NBAS: variants seen among roughly 807,000 people sequenced by gnomAD.
NBAS encodes the protein NBAS subunit of NRZ tethering complex.
Under a neutral mutation model 302.5 loss-of-function variants are expected in NBAS, and 219 were observed. The observed-to-expected ratio is 0.72, with a 90% confidence interval of 0.65 to 0.81. NBAS has a LOEUF of 0.81. NBAS is among the 30% of genes least tolerant of loss of function. The probability of loss-of-function intolerance (pLI) is 0.00; values close to 1 mark genes in which losing one functional copy is unlikely to be tolerated. For missense variants in NBAS, 2,932 were observed against 2,841.6 expected (o/e 1.03, Z -0.72); for synonymous variants, 1,118 against 1,021.6 (o/e 1.09, Z -1.80).
chr2:15,218,669 C>T (rs1666766194), intron 48 of NBAS, 104 bp downstream of exon 48: 1 of 1,465,528 alleles, frequency 6.8e-7, no homozygotes, highest in African/African-American at 1.4e-5. Flanking sequence ...CTCAGGTGAT[C>T]CTCCCACCTT....
chr2:15,001,818 C>T, the NBAS span, among the ~76,000 whole-genome samples: 2 of 152,056 alleles, frequency 1.3e-5, no homozygotes, highest in Non-Finnish European at 2.9e-5. Context: ...CAGACCTTCG[C>T]GGTGAGTGTT....
At chr2:15,107,757 T>C in the NBAS span, among the ~76,000 whole-genome samples, 1 of 152,122 alleles carries the variant, frequency 6.6e-6, no homozygotes, top group Admixed American at 6.6e-5. Context: ...CCAACGTGTA[T>C]TCTCATATAA....
intron 32 of NBAS, among the ~76,000 whole-genome samples, chr2:15,364,464 C>T (rs1366728989): frequency 2.0e-5 from 3 of 151,986 alleles, no homozygotes; most frequent in Non-Finnish European, 4.4e-5. Flanking sequence ...CTGGGAGGCA[C>T]AGGTTGTAGT....
intron 31 of NBAS, among the ~76,000 whole-genome samples, chr2:15,370,933 G>A (rs1424343448): frequency 1.3e-5 from 2 of 152,158 alleles, no homozygotes; most frequent in African/African-American, 2.4e-5. Flanking sequence ...GGGAAGGCAC[G>A]ATTGGTTTTG....
chr2:15,144,043 A>T, the NBAS span, among the ~76,000 whole-genome samples: 1 of 116,520 alleles, frequency 8.6e-6, no homozygotes, highest in Non-Finnish European at 1.6e-5. Flanking sequence ...TATCCTATAT[A>T]TAAAAATATA....
chr2:15,547,594 G>A (rs1179257699), intron 6 of NBAS, among the ~76,000 whole-genome samples: 8 of 152,070 alleles, frequency 5.3e-5, no homozygotes, highest in African/African-American at 1.4e-4. Context: ...TAGATTTCTC[G>A]ATTTACCTAC....
At chr2:15,427,849 C>T in intron 21 of NBAS, 55 bp from the exon 22 acceptor site, 1 of 1,347,266 alleles carries the variant, frequency 7.4e-7, no homozygotes, top group Non-Finnish European at 1.0e-6. Flanking sequence ...AATGACTTAG[C>T]CACACAAGGA....
chr2:15,325,932 G>A (rs950760731), intron 38 of NBAS, among the ~76,000 whole-genome samples: 2 of 152,126 alleles, frequency 1.3e-5, no homozygotes, highest in Admixed American at 6.5e-5. Context: ...CCATTATAGG[G>A]TTATTAACTT....
At chr2:14,938,245 T>C in the NBAS span, among the ~76,000 whole-genome samples, 2 of 152,184 alleles carry the variant, frequency 1.3e-5, no homozygotes, top group African/African-American at 4.8e-5. Context: ...ATATAAAGAT[T>C]ACTAATAAAT....
At chr2:15,511,189 G>T in intron 10 of NBAS, 23 bp downstream of exon 10, 1 of 1,613,708 alleles carries the variant, frequency 6.2e-7, no homozygotes, top group East Asian at 2.2e-5. Context: ...ATAGCAAAGT[G>T]AAGTGCCATA....
chr2:15,167,129 A>C lies in NBAS; in HGVS notation c.7035T>G (p.Ser2345=), dbSNP rs1479190797. The stretch of plus-strand genomic sequence containing the variant: ...GAGTCCCCCTCACGGCCAGAAGGAG[A>C]GACCCGGCTTCGGCTTCATGGCCGG... ...REAGHEAEAG[S]LLLAVRGTHQ... Residue 2345 remains serine, a synonymous_variant, in exon 52 of 52, where the codon TCT becomes TCG. Coordinates refer to ENST00000281513, the MANE Select transcript of NBAS (RefSeq NM_015909.4). 1 of 1,614,038 alleles carries C rather than the reference A, an allele frequency of 6.2e-7. No homozygotes were observed. Among genetic ancestry groups the C allele is most frequent in the African/African-American group, 1.3e-5 (1 of 74,940 alleles).
intron 11 of NBAS, among the ~76,000 whole-genome samples, chr2:15,497,584 GT>G (rs925641768): frequency 2.3e-4 from 35 of 152,264 alleles, no homozygotes; most frequent in African/African-American, 7.7e-4. Flanking sequence ...TCAGAGTTTT[GT>G]TTTGGAAATG....
intron 44 of NBAS, among the ~76,000 whole-genome samples, chr2:15,263,246 T>A (rs778978973): frequency 6.6e-6 from 1 of 152,152 alleles, no homozygotes; most frequent in Non-Finnish European, 1.5e-5. Context: ...GCTCAAGAGA[T>A]CCTCCCACCT....
At chr2:15,242,227 AT>A (rs1229604563) in intron 44 of NBAS, among the ~76,000 whole-genome samples, 1 of 152,224 alleles carries the variant, frequency 6.6e-6, no homozygotes, top group East Asian at 1.9e-4. Flanking sequence ...AAGAGTTTAA[AT>A]TGTTTGACTT....
At chr2:14,799,724 T>G in the NBAS span, among the ~76,000 whole-genome samples, 7 of 152,174 alleles carry the variant, frequency 4.6e-5, no homozygotes, top group Non-Finnish European at 8.8e-5. Flanking sequence ...AAGTGTTTGC[T>G]TTATGTATTT....
chr2:14,936,798 T>A, the NBAS span, among the ~76,000 whole-genome samples: 1 of 152,078 alleles, frequency 6.6e-6, no homozygotes, highest in Non-Finnish European at 1.5e-5. Context: ...AGTAGGCTGA[T>A]CTTTGATGAG....
intron 45 of NBAS, among the ~76,000 whole-genome samples, chr2:15,237,540 G>A (rs1351354818): frequency 6.6e-6 from 1 of 151,210 alleles, no homozygotes. Flanking sequence ...CTGAAAATTA[G>A]GAGGGAAAAG....
chr2:15,464,211 T>C (rs1679629709), intron 19 of NBAS, among the ~76,000 whole-genome samples: 1 of 152,220 alleles, frequency 6.6e-6, no homozygotes, highest in African/African-American at 2.4e-5. Context: ...TACATTTCCC[T>C]AAGAAGTTTT....
intron 10 of NBAS, among the ~76,000 whole-genome samples, chr2:15,506,787 CA>C (rs1447613907): frequency 1.3e-5 from 2 of 151,072 alleles, no homozygotes; most frequent in African/African-American, 4.9e-5. Flanking sequence ...AATGCAGAAA[CA>C]AAACAACAAA....
Sources: allele counts gnomAD v4.1 joint callset (sites outside exome capture counted in the v4.1 genomes callset), GRCh38; gene constraint gnomAD v4.1.1; transcripts MANE v1.5; gene names NCBI Gene and HGNC (gene_info 2026-07-23, HGNC 2026-07-21).